Variants in FRY observed in about 807,000 individuals in gnomAD.
FRY encodes FRY microtubule binding protein.
Under a neutral mutation model 348.4 loss-of-function variants are expected in FRY, and 128 were observed. That is an observed-to-expected ratio of 0.37 (90% CI 0.32 to 0.43). The LOEUF (loss-of-function observed/expected upper bound fraction) is 0.43, where lower values mean the gene tolerates loss of function less well. FRY is among the 20% of genes least tolerant of loss of function. The probability of loss-of-function intolerance (pLI) is 1.00; values close to 1 mark genes in which losing one functional copy is unlikely to be tolerated. For missense variants in FRY, 2,736 were observed against 3,695.2 expected (o/e 0.74, Z 6.73); for synonymous variants, 1,370 against 1,374.7 (o/e 1.00, Z 0.08).
intron 1 of FRY, among the ~76,000 whole-genome samples, chr13:32,059,493 G>T (rs1410059521): frequency 1.3e-5 from 2 of 149,252 alleles, no homozygotes; most frequent in African/African-American, 2.4e-5. Context: ...AGAGAATGTA[G>T]TATTACACTA....
intron 4 of FRY, among the ~76,000 whole-genome samples, chr13:32,122,609 C>G (rs1456932761): frequency 6.6e-6 from 1 of 152,132 alleles, no homozygotes; most frequent in Non-Finnish European, 1.5e-5. Flanking sequence ...TGAAAGCATT[C>G]CCTCTGAGAA....
chr13:32,165,682 A>G (rs1881695056), intron 17 of FRY, among the ~76,000 whole-genome samples: 2 of 152,106 alleles, frequency 1.3e-5, no homozygotes, highest in African/African-American at 4.8e-5. Context: ...CTCCTAATTT[A>G]TCTTTTCTTC....
intron 51 of FRY, among the ~76,000 whole-genome samples, chr13:32,259,263 A>T (rs1025943044): frequency 3.3e-5 from 5 of 152,236 alleles, no homozygotes; most frequent in Non-Finnish European, 7.3e-5. Flanking sequence ...CATGGACTTT[A>T]CCTGGGTCCA....
At chr13:32,273,036 G>C (rs550747253) in intron 55 of FRY, among the ~76,000 whole-genome samples, 1 of 152,056 alleles carries the variant, frequency 6.6e-6, no homozygotes, top group South Asian at 2.1e-4. Flanking sequence ...ACTGACGCAG[G>C]CACAGTGAAT....
intron 29 of FRY, among the ~76,000 whole-genome samples, chr13:32,197,095 A>G (rs1423936911): frequency 6.6e-6 from 1 of 152,208 alleles, no homozygotes; most frequent in East Asian, 1.9e-4. Context: ...CATTATTTTT[A>G]CTTTTACCTT....
chr13:32,231,367 G>A, intron 41 of FRY, 67 bp downstream of exon 41: 1 of 1,521,378 alleles, frequency 6.6e-7, no homozygotes, highest in Non-Finnish European at 9.1e-7. Flanking sequence ...GTCTCTATAT[G>A]ATGATTACAG....
chr13:32,131,062 C>G (rs1037886110), intron 7 of FRY, among the ~76,000 whole-genome samples: 1 of 152,146 alleles, frequency 6.6e-6, no homozygotes, highest in Admixed American at 6.5e-5. Context: ...GTGATCTGCC[C>G]GCATCGGCCT....
chr13:32,183,101 C>T, intron 24 of FRY, 67 bp downstream of exon 24: 1 of 896,480 alleles, frequency 1.1e-6, no homozygotes, highest in South Asian at 1.4e-5. Flanking sequence ...TAAATCAAAC[C>T]TAGTGATTTC....
intron 1 of FRY, among the ~76,000 whole-genome samples, chr13:32,044,737 A>G (rs1162591015): frequency 6.6e-6 from 1 of 152,180 alleles, no homozygotes; most frequent in Non-Finnish European, 1.5e-5. Context: ...GAACTTCTGG[A>G]AAGGATTTTC....
chr13:32,294,655 C>A, intron 60 of FRY, 85 bp downstream of exon 60: 1 of 1,004,342 alleles, frequency 1.0e-6, no homozygotes, highest in Non-Finnish European at 1.6e-6. Flanking sequence ...TAGCCCACTA[C>A]GGAAGGCTAG....
Position 32,173,294 on chromosome 13 carries a change from T to C in FRY, c.2152-73T>C, listed in dbSNP as rs1593696313. Reference sequence around the variant, plus strand: ...TACAAGGTCAAATGTGCAAAAAATATGTAAAACATGAGTGTATTCTTCTTC... The same window carrying C: ...TACAAGGTCAAATGTGCAAAAAATACGTAAAACATGAGTGTATTCTTCTTC... On this transcript the variant is annotated intron_variant, in intron 18 of 60. Transcript: ENST00000542859. 1.3e-5 allele frequency: 15 copies of C among 1,175,208 alleles called. 1 individual carries two copies. The highest frequency in any genetic ancestry group is 8.5e-5 in the Admixed American group (5 of 58,802). 72.8% of individuals were successfully genotyped at this position (1,175,208 alleles called of 1,614,324 possible). A position where few individuals can be genotyped will look rare whatever the true frequency, so the allele number is the denominator to read the frequency against.
At chr13:32,172,481 C>G (rs140764443) in intron 18 of FRY, among the ~76,000 whole-genome samples, 1 of 152,150 alleles carries the variant, frequency 6.6e-6, no homozygotes, top group Non-Finnish European at 1.5e-5. Context: ...CTTGTGGTTT[C>G]TTTATCCTTT....
chr13:32,060,532 A>G (rs1450992552), intron 1 of FRY, among the ~76,000 whole-genome samples: 1 of 152,222 alleles, frequency 6.6e-6, no homozygotes, highest in Non-Finnish European at 1.5e-5. Context: ...GTCTGTAAGC[A>G]TGTAAGCTGT....
At chr13:32,122,368 G>A (rs568865605) in intron 4 of FRY, among the ~76,000 whole-genome samples, 31 of 151,860 alleles carry the variant, frequency 2.0e-4, no homozygotes, top group Non-Finnish European at 3.5e-4. Flanking sequence ...GTGTGAACCC[G>A]GGAGGCGGAG....
At chr13:32,131,358 C>A (rs1879348985) in intron 7 of FRY, among the ~76,000 whole-genome samples, 1 of 152,122 alleles carries the variant, frequency 6.6e-6, no homozygotes, top group African/African-American at 2.4e-5. Flanking sequence ...AATGGCCAAG[C>A]CTGAGGAAAT....
chr13:32,139,322 C>T (rs895840053), intron 11 of FRY, among the ~76,000 whole-genome samples: 5 of 152,132 alleles, frequency 3.3e-5, no homozygotes, highest in Admixed American at 1.3e-4. Flanking sequence ...AACCCTTCCC[C>T]GACGCACCTT....
chr13:32,183,460 T>C (rs907599572), intron 24 of FRY, among the ~76,000 whole-genome samples: 3 of 152,180 alleles, frequency 2.0e-5, no homozygotes, highest in Non-Finnish European at 2.9e-5. Flanking sequence ...GAACTTATAA[T>C]GTACCAGGAT....
intron 51 of FRY, among the ~76,000 whole-genome samples, chr13:32,254,952 G>A (rs1887259349): frequency 6.6e-6 from 1 of 152,106 alleles, no homozygotes; most frequent in Non-Finnish European, 1.5e-5. Context: ...CTAGACACTG[G>A]AGCAGCCAAA....
chr13:32,075,743 G>A (rs1875007529), intron 1 of FRY, among the ~76,000 whole-genome samples: 1 of 152,120 alleles, frequency 6.6e-6, no homozygotes, highest in Admixed American at 6.5e-5. Context: ...AATTAATTAG[G>A]GTAGGATGAA....
Sources: allele counts gnomAD v4.1 joint callset (sites outside exome capture counted in the v4.1 genomes callset), GRCh38; gene constraint gnomAD v4.1.1; transcripts MANE v1.5; gene names NCBI Gene and HGNC (gene_info 2026-07-23, HGNC 2026-07-21).